INSL6: variants seen among roughly 807,000 people sequenced by gnomAD.
INSL6 encodes insulin like 6.
A neutral mutation model predicts 9.4 loss-of-function variants in INSL6; 16 were observed. The ratio of observed to expected loss-of-function variants is 1.70; its 90% CI spans 1.15 to 2.59. The LOEUF is 2.59. Among genes scored for constraint, INSL6 ranks in the 30% most tolerant of loss-of-function variants. The pLI is 0.00. For missense variants in INSL6, 391 were observed against 257.3 expected (o/e 1.52, Z -3.56); for synonymous variants, 154 against 96.9 (o/e 1.59, Z -3.46).
At chr9:5,021,691 C>T in the INSL6 span, among the ~76,000 whole-genome samples, 3 of 152,116 alleles carry the variant, frequency 2.0e-5, no homozygotes, top group East Asian at 5.8e-4. Context: ...CGGTGGAGTG[C>T]GGAGGTTTGC....
At chr9:5,168,702 C>G (rs1368585821) in intron 1 of INSL6, among the ~76,000 whole-genome samples, 1 of 151,982 alleles carries the variant, frequency 6.6e-6, no homozygotes, top group African/African-American at 2.4e-5. Context: ...GCAAGACAGG[C>G]CAAAATTCAA....
At chr9:5,169,347 C>T (rs1825129318) in intron 1 of INSL6, among the ~76,000 whole-genome samples, 1 of 152,174 alleles carries the variant, frequency 6.6e-6, no homozygotes, top group Non-Finnish European at 1.5e-5. Flanking sequence ...CACCACCAGA[C>T]CTGCCTTGCA....
chr9:5,001,358 C>T, the INSL6 span, among the ~76,000 whole-genome samples: 1 of 152,048 alleles, frequency 6.6e-6, no homozygotes, highest in Non-Finnish European at 1.5e-5. Context: ...AGGAAATTCC[C>T]TTCTTTTTCT....
chr9:5,128,772 A>AAAT (rs1209175656), intron 3 of INSL6, among the ~76,000 whole-genome samples: 1 of 151,954 alleles, frequency 6.6e-6, no homozygotes, highest in East Asian at 1.9e-4. Flanking sequence ...CTACACATAA[A>AAAT]AATAAGATAA....
In INSL6 at chr9:5,185,569, G is replaced by T. The variant is rs35211475; in HGVS notation, c.34C>A (p.Leu12Ile). 1.0e-3 allele frequency: 1,694 copies of T among 1,613,910 alleles called. 18 individuals are homozygous for T. In the African/African-American group the frequency reaches 0.02, roughly 19 times the overall value. Residue 12 changes from leucine (L) to isoleucine (I), a missense_variant, in exon 1 of 2, where the codon CTT (leucine) becomes ATT (isoleucine). Leu to Ile is a conservative substitution (Grantham distance 5). Coordinates refer to ENST00000381641, the MANE Select transcript of INSL6 (RefSeq NM_007179.3). ...GAAAACCGAACCAGCAGGAGTCCAA[G>T]CCACAGCAGGGACAAGCGGAGGAGC... ...PRLLRLSLLW[L>I]GLLLVRFSRE...
At chr9:5,140,746 GTA>G (rs1338478327) in intron 2 of INSL6, among the ~76,000 whole-genome samples, 1 of 151,620 alleles carries the variant, frequency 6.6e-6, no homozygotes, top group Non-Finnish European at 1.5e-5. Context: ...TAAGTTCAGG[GTA>G]CATATGCAGG....
the INSL6 span, chr9:5,029,718 T>G: frequency 2.2e-6 from 3 of 1,373,222 alleles, no homozygotes; most frequent in South Asian, 4.5e-5. Flanking sequence ...TTTCAAATTA[T>G]AGGTGCTATG....
the INSL6 span, among the ~76,000 whole-genome samples, chr9:5,093,130 TACATAAG>T: frequency 2.0e-5 from 3 of 152,186 alleles, no homozygotes; most frequent in African/African-American, 7.2e-5. Context: ...CGCATAAGCT[TACATAAG>T]ACTGGAATAA....
intron 2 of INSL6, chr9:5,133,663 A>G (rs1824334452): frequency 6.6e-6 from 1 of 152,008 alleles, no homozygotes; most frequent in South Asian, 2.1e-4. Context: ...ACATCAACAA[A>G]ATGTCCACTC....
At chr9:5,102,701 G>C in the INSL6 span, among the ~76,000 whole-genome samples, 592 of 152,310 alleles carry the variant, frequency 3.9e-3, 2 homozygotes, top group Non-Finnish European at 7.3e-3. Flanking sequence ...TCTCTCAGCA[G>C]AAACTCTACA....
chr9:5,151,218 C>T (rs1238295606), intron 2 of INSL6, among the ~76,000 whole-genome samples: 1 of 129,050 alleles, frequency 7.7e-6, no homozygotes. Context: ...TGCACTTATA[C>T]CCCCAAATCA....
chr9:5,163,238 T>G (rs1301971195), downstream of INSL6, among the ~76,000 whole-genome samples: 1 of 152,230 alleles, frequency 6.6e-6, no homozygotes, highest in Non-Finnish European at 1.5e-5. Context: ...TGCTGCCGAT[T>G]TGGTAAGGGA....
At chr9:5,130,981 G>A (rs868493248) in intron 3 of INSL6, among the ~76,000 whole-genome samples, 105 of 151,794 alleles carry the variant, frequency 6.9e-4, no homozygotes, top group South Asian at 2.1e-4. Flanking sequence ...CGCCCGCCTC[G>A]GCCTCCCAAA....
the INSL6 span, chr9:5,114,582 G>A: frequency 2.8e-3 from 1,359 of 491,944 alleles, 17 homozygotes; most frequent in African/African-American, 0.024. Flanking sequence ...CTGGCCCAAG[G>A]ACATCTTGGT....
the INSL6 span, among the ~76,000 whole-genome samples, chr9:5,026,658 G>T: frequency 5.3e-5 from 8 of 152,164 alleles, no homozygotes; most frequent in African/African-American, 1.2e-4. Context: ...TGGTTATTCT[G>T]TGGAACTTCT....
chr9:5,089,235 T>A, the INSL6 span, among the ~76,000 whole-genome samples: 1 of 152,170 alleles, frequency 6.6e-6, no homozygotes, highest in Non-Finnish European at 1.5e-5. Flanking sequence ...AGTTCCTTAA[T>A]ATAAGCTTAA....
intron 1 of INSL6, among the ~76,000 whole-genome samples, chr9:5,181,535 T>G (rs1825454606): frequency 6.6e-6 from 1 of 151,860 alleles, no homozygotes; most frequent in African/African-American, 2.4e-5. Flanking sequence ...AAGGACTTAA[T>G]GTGAAAAGTA....
the INSL6 span, among the ~76,000 whole-genome samples, chr9:5,091,768 G>A: frequency 6.6e-6 from 1 of 152,212 alleles, no homozygotes; most frequent in South Asian, 2.1e-4. Flanking sequence ...AAGTCGGGGG[G>A]CTGAATGGTG....
At chr9:5,036,633 T>C in the INSL6 span, among the ~76,000 whole-genome samples, 3 of 152,208 alleles carry the variant, frequency 2.0e-5, no homozygotes, top group African/African-American at 7.2e-5. Context: ...ATTTAATAAA[T>C]GGTGCTGGGA....
Sources: allele counts gnomAD v4.1 joint callset (sites outside exome capture counted in the v4.1 genomes callset), GRCh38; gene constraint gnomAD v4.1.1; transcripts MANE v1.5; gene names NCBI Gene and HGNC (gene_info 2026-07-23, HGNC 2026-07-21).